NEB: variants seen among roughly 807,000 people sequenced by gnomAD.
The protein encoded by NEB is nebulin, also known as nemaline myopathy type 2.
NEB carries 512 observed loss-of-function variants against 952.2 expected under a neutral mutation model. The ratio of observed to expected loss-of-function variants is 0.54; its 90% CI spans 0.50 to 0.58. NEB has a LOEUF of 0.58. NEB is among the 20% of genes least tolerant of loss of function. The pLI, the probability that NEB is intolerant of heterozygous loss-of-function variation, is 0.00. For synonymous variants in NEB, 2,900 were observed against 3,149.8 expected (o/e 0.92, Z 2.66); for missense variants, 8,428 against 9,231.1 (o/e 0.91, Z 3.56).
At chr2:151,672,237 T>C in intron 37 of NEB, 132 bp downstream of exon 37, 1 of 881,596 alleles carries the variant, frequency 1.1e-6, no homozygotes, top group Non-Finnish European at 1.7e-6. Context: ...CCTTTGGTAG[T>C]CTTTCAGTAA....
chr2:151,491,002 T>C (rs1021586966), intron 179 of NEB, among the ~76,000 whole-genome samples: 1 of 151,888 alleles, frequency 6.6e-6, no homozygotes, highest in Admixed American at 6.6e-5. Context: ...AAAACTGGAG[T>C]ATAAATCCTT....
intron 150 of NEB, 143 bp downstream of exon 150, chr2:151,525,815 G>A (rs7597735): frequency 0.62 from 463,782 of 744,822 alleles, 146,258 homozygotes; most frequent in East Asian, 0.76. Context: ...CATTTTAAAA[G>A]TCAGAGTTTA....
intron 138 of NEB, among the ~76,000 whole-genome samples, chr2:151,538,989 A>C (rs1221193627): frequency 1.3e-5 from 2 of 152,222 alleles, no homozygotes; most frequent in Non-Finnish European, 2.9e-5. Flanking sequence ...TGTTTTTTAG[A>C]TGGATCATAA....
Position 151,677,782 on chromosome 2 carries a change from G to A in NEB, c.3568-11C>T, listed in dbSNP as rs1218849667. The A allele has an allele frequency of 6.2e-7, 1 of 1,613,620 alleles. No homozygotes were observed. Among genetic ancestry groups the A allele is most frequent in the East Asian group, 2.2e-5 (1 of 44,896 alleles). ...TTCCTTGTAGACGTTCTACAGCAAT[G>A]GAGAAAAGAGGAGTGAGGGCCTAGG... On this transcript the variant is annotated splice_polypyrimidine_tract_variant and intron_variant, in intron 33 of 181. Transcript: ENST00000397345.
In NEB at chr2:151,526,944, G is replaced by A; in HGVS notation, c.21919C>T (p.Leu7307Phe). Residue 7307 changes from leucine to phenylalanine, a missense_variant, in exon 148 of 182, where the codon CTC (leucine) becomes TTC (phenylalanine). By Grantham distance (22) the Leu-to-Phe change is conservative. Coordinates refer to ENST00000397345, the MANE Select transcript of NEB (RefSeq NM_001164508.2). ...TCACTTTCTATTAAAGTATTCCTGAGGGCGAGCACCGTGTTTTTGTCATCA... is the reference window on the plus strand; with the variant it reads ...TCACTTTCTATTAAAGTATTCCTGAAGGCGAGCACCGTGTTTTTGTCATCA... ...VTDDKNTVLA[L>F]RNTLIESDLK... The A allele has an allele frequency of 6.2e-7, 1 of 1,600,808 alleles. No individual in the cohort carries two copies. Among genetic ancestry groups the A allele is most frequent in the East Asian group, 2.2e-5 (1 of 44,592 alleles).
At chr2:151,629,079 A>C (rs555346186) in intron 68 of NEB, among the ~76,000 whole-genome samples, 50 of 152,348 alleles carry the variant, frequency 3.3e-4, no homozygotes, top group African/African-American at 1.0e-3. Context: ...TTTCCAAAAA[A>C]AAATGAGTTG....
At position 151,646,223 on chromosome 2, in the gene NEB, T is replaced by C; in HGVS notation, c.7443A>G (p.Arg2481=). ...GAGTCTTGTCTTTGTCCCAAGCTTC[T>C]CTATAAAGTCTCTAAAATAAGAAAT... is the stretch of plus-strand genomic sequence containing the variant. ...NAKNRSDRLY[R]EAWDKDKTQI... Residue 2481 remains arginine, a synonymous_variant, in exon 55 of 182, where the codon AGA becomes AGG. Transcript: ENST00000397345. 1 of 1,587,930 alleles carries C rather than the reference T, an allele frequency of 6.3e-7. No individual in the cohort carries two copies. The highest frequency in any genetic ancestry group is 8.6e-7 in the Non-Finnish European group (1 of 1,164,710).
chr2:151,625,552 A>G lies in NEB; in HGVS notation c.10434T>C (p.Asn3478=), dbSNP rs375543045. ...DTPEIMLARQ[N]KINYSESLYR... The stretch of plus-strand genomic sequence containing the variant: ...ATCTTACCTCACTATAATTTATTTT[A>G]TTTTGTCTTGCCAACATGATTTCAG... Residue 3478 remains asparagine, a synonymous_variant, in exon 71 of 182, where the codon AAT becomes AAC. Coordinates refer to ENST00000397345, the MANE Select transcript of NEB (RefSeq NM_001164508.2). 1.4e-4 allele frequency: 231 copies of G among 1,599,156 alleles called. No homozygotes were observed. In the African/African-American group the frequency reaches 2.8e-3, roughly 20 times the overall value.
At chr2:151,655,779 C>T in intron 50 of NEB, 38 bp downstream of exon 50, 1 of 1,597,472 alleles carries the variant, frequency 6.3e-7, no homozygotes, top group Non-Finnish European at 8.6e-7. Flanking sequence ...AGCCTTTCCT[C>T]ACGTGGGAGC....
intron 32 of NEB, among the ~76,000 whole-genome samples, chr2:151,678,424 G>T (rs770312572): frequency 1.2e-4 from 19 of 152,184 alleles, no homozygotes; most frequent in Non-Finnish European, 2.9e-5. Flanking sequence ...GTGAGGTTGA[G>T]ATGGGGCATT....
In NEB at chr2:151,678,067, ACT is replaced by A. The variant is rs2099386103; in HGVS notation, c.3374_3375del (p.Glu1125ValfsTer2). On this transcript the variant is annotated frameshift_variant, in exon 33 of 182. Transcript: ENST00000397345. LOFTEE classifies it high-confidence loss of function. ...TTTGTCTTCTCATAGTCTTTTTTAT[ACT>A]CCCGATCTGATTGTATCTTGGCCAC... Reference protein sequence around the residue: ...MNVAKIQSDREYKKDYEKTKS... With the variant: ...MNVAKIQSDRXYKKDYEKTKS... 1.2e-6 allele frequency: 2 copies of A among 1,613,094 alleles called. No homozygotes were observed. The highest frequency in any genetic ancestry group is 3.3e-5 in the Admixed American group (2 of 59,918).
Position 151,663,683 on chromosome 2 carries a change from G to C in NEB, c.5628C>G (p.Leu1876=), listed in dbSNP as rs771407375. ...KTSFHTPVDM[L]SVVAAKKSQE... ...GAGACTTCTTGGCTGCCACCACACT[G>C]AGCATGTCCACCGGGGTGTGGAAGG... The change falls in exon 45 of 182, where the codon CTC becomes CTG. Residue 1876 remains leucine (L), a synonymous_variant. Coordinates refer to ENST00000397345, the MANE Select transcript of NEB (RefSeq NM_001164508.2). 16 of 1,613,762 alleles carry C rather than the reference G, an allele frequency of 9.9e-6. No individual in the cohort carries two copies. The highest frequency in any genetic ancestry group is 1.2e-5 in the Non-Finnish European group (14 of 1,179,784).
intron 13 of NEB, among the ~76,000 whole-genome samples, chr2:151,703,839 T>C (rs1328712216): frequency 2.2e-5 from 2 of 92,996 alleles, no homozygotes; most frequent in African/African-American, 7.9e-5. Flanking sequence ...TTTGATCGTC[T>C]GAAGCCTTCT....
At chr2:151,535,590 G>T in intron 142 of NEB, 101 bp downstream of exon 142, 1 of 654,174 alleles carries the variant, frequency 1.5e-6, no homozygotes, top group Non-Finnish European at 2.5e-6. Context: ...ACTTAGGATG[G>T]CTTTCCTGTC....
intron 165 of NEB, among the ~76,000 whole-genome samples, chr2:151,504,967 TGAAAG>T (rs1042666589): frequency 3.3e-5 from 5 of 151,958 alleles, no homozygotes; most frequent in Non-Finnish European, 7.4e-5. Context: ...GAAGAAACCT[TGAAAG>T]GGAGGGGAGA....
At chr2:151,558,531 GCTAT>G (rs1429182257) in intron 124 of NEB, among the ~76,000 whole-genome samples, 1 of 151,958 alleles carries the variant, frequency 6.6e-6, no homozygotes, top group Non-Finnish European at 1.5e-5. Context: ...GAGGCATTAC[GCTAT>G]CTGACTTCAA....
At chr2:151,560,811 C>A in intron 123 of NEB, 112 bp from the exon 124 acceptor site, 2 of 817,276 alleles carry the variant, frequency 2.4e-6, no homozygotes, top group Non-Finnish European at 3.9e-6. Context: ...TACTAACTCC[C>A]AGGACTCCTC....
At chr2:151,705,968 A>G (rs2099704293) in intron 13 of NEB, among the ~76,000 whole-genome samples, 1 of 152,232 alleles carries the variant, frequency 6.6e-6, no homozygotes, top group Non-Finnish European at 1.5e-5. Context: ...TATTGATCAT[A>G]GTGTACACTG....
rs1429784033 is a variant in NEB at position 151,514,818 on chromosome 2, C to G, written c.23016G>C (p.Glu7672Asp). The change falls in exon 158 of 182, where the codon GAG (glutamate) becomes GAC (aspartate). Residue 7672 changes from glutamate (E) to aspartate (D), a missense_variant and splice_region_variant. Glu to Asp is a conservative substitution (Grantham distance 45). Coordinates refer to ENST00000397345, the MANE Select transcript of NEB (RefSeq NM_001164508.2). Reference protein sequence around the residue: ...HVKYATKIASEKEYRKDLEES... With the variant: ...HVKYATKIASDKEYRKDLEES... ...AAAGAAAAGACCAAGTGGGCACTACCTCGCTTGCTATTTTAGTTGCATATT... is the reference window on the plus strand; with the variant it reads ...AAAGAAAAGACCAAGTGGGCACTACGTCGCTTGCTATTTTAGTTGCATATT... 1 of 1,561,382 alleles carries G rather than the reference C, an allele frequency of 6.4e-7. No individual in the cohort carries two copies. Among genetic ancestry groups the G allele is most frequent in the Admixed American group, 1.9e-5 (1 of 52,318 alleles).
Sources: allele counts gnomAD v4.1 joint callset (sites outside exome capture counted in the v4.1 genomes callset), GRCh38; gene constraint gnomAD v4.1.1; transcripts MANE v1.5; gene names NCBI Gene and HGNC (gene_info 2026-07-23, HGNC 2026-07-21).